The following TBP variants were observed in gnomAD, a reference collection of about 807,000 sequenced individuals.
TBP encodes TATA-box-binding protein.
TBP carries 12 observed loss-of-function variants against 46.2 expected under a neutral mutation model. That is an observed-to-expected ratio of 0.26 (90% CI 0.17 to 0.42). TBP has a LOEUF of 0.42. Ranked by LOEUF, TBP falls within the 10% of genes least tolerant of loss-of-function variation. The pLI, the probability that TBP is intolerant of heterozygous loss-of-function variation, is 1.00. For missense variants in TBP, 229 were observed against 403.1 expected (o/e 0.57, Z 3.70); for synonymous variants, 157 against 148.3 (o/e 1.06, Z -0.42).
chr6:170,557,671 G>A (rs1397028623), intron 2 of TBP, among the ~76,000 whole-genome samples: 1 of 138,968 alleles, frequency 7.2e-6, no homozygotes. Context: ...GGGAGGTGGA[G>A]GTTGCAGTGA....
At chr6:170,567,346 G>C (rs902427266) in intron 5 of TBP, 1 of 153,710 alleles carries the variant, frequency 6.5e-6, no homozygotes, top group East Asian at 1.9e-4. Flanking sequence ...TTAGCCAGGC[G>C]TGGTAGTGGA....
rs1779263569 is a variant in TBP at position 170,566,959 on chromosome 6, C to T, written c.627C>T (p.Thr209=). 4 of 1,613,622 alleles carry T rather than the reference C, an allele frequency of 2.5e-6. No homozygotes were observed. The highest frequency in any genetic ancestry group is 1.6e-4 in the Middle Eastern group (1 of 6,082). The part of the protein sequence containing the change: ...AVIMRIREPR[T]TALIFSSGKM... ...TCATGAGGATAAGAGAGCCACGAACCACGGCACTGATTTTCAGTTCTGGGA... is the reference window on the plus strand; with the variant it reads ...TCATGAGGATAAGAGAGCCACGAACTACGGCACTGATTTTCAGTTCTGGGA... Residue 209 remains threonine (T), a synonymous_variant, in exon 5 of 8, where the codon ACC becomes ACT. Coordinates refer to ENST00000392092, the MANE Select transcript of TBP (RefSeq NM_003194.5).
At chr6:170,567,441 T>C (rs1467479633) in intron 5 of TBP, 1 of 152,656 alleles carries the variant, frequency 6.6e-6, no homozygotes, top group Non-Finnish European at 1.5e-5. Flanking sequence ...GCTGAGATCA[T>C]GCTACTGTAC....
chr6:170,566,586 T>C (rs531838119), intron 4 of TBP, among the ~76,000 whole-genome samples: 16 of 152,164 alleles, frequency 1.1e-4, no homozygotes, highest in Admixed American at 4.6e-4. Context: ...GCAGCAAATA[T>C]AAAGTAGAAA....
intron 6 of TBP, 152 bp downstream of exon 6, chr6:170,569,931 C>A (rs535670070): frequency 1.7e-5 from 13 of 771,616 alleles, no homozygotes; most frequent in Non-Finnish European, 2.5e-5. Context: ...TCCTGATGTT[C>A]TCAGTCATAT....
chr6:170,571,490 A>G lies in TBP; in HGVS notation c.926A>G (p.Lys309Arg). Residue 309 changes from lysine (K) to arginine (R), a missense_variant, in exon 7 of 8, where the codon AAA becomes AGA. Lys to Arg is a conservative substitution (Grantham distance 26). This residue lies in a region of TBP where 44 missense variants were observed against 54.1 expected (regional missense o/e 0.81). Coordinates refer to ENST00000392092, the MANE Select transcript of TBP (RefSeq NM_003194.5). ...RIVLLIFVSG[K>R]VVLTGAKVRA... ...GTTCTCCTTATTTTTGTTTCTGGAA[A>G]AGTTGTATTAACAGGTAAGTTGTAA... The G allele has an allele frequency of 6.2e-7, 1 of 1,612,112 alleles. No homozygotes were observed. Among genetic ancestry groups the G allele is most frequent in the Non-Finnish European group, 8.5e-7 (1 of 1,178,214 alleles).
chr6:170,566,131 CAA>C (rs1779242539), intron 4 of TBP, among the ~76,000 whole-genome samples: 1 of 152,002 alleles, frequency 6.6e-6, no homozygotes, highest in South Asian at 2.1e-4. Context: ...TCTAGTTTGT[CAA>C]AGAGTCGTCT....
At chr6:170,557,568 C>T (rs1174029492) in intron 2 of TBP, among the ~76,000 whole-genome samples, 1 of 151,790 alleles carries the variant, frequency 6.6e-6, no homozygotes, top group East Asian at 1.9e-4. Context: ...AACCTCATCT[C>T]TACAAAATAT....
At chr6:170,555,873 G>T (rs1159356003) in intron 1 of TBP, among the ~76,000 whole-genome samples, 1 of 152,128 alleles carries the variant, frequency 6.6e-6, no homozygotes, top group Non-Finnish European at 1.5e-5. Flanking sequence ...TGATGCCAAG[G>T]ACTATATCCT....
intron 4 of TBP, among the ~76,000 whole-genome samples, chr6:170,566,568 CATG>C (rs1779252107): frequency 6.6e-6 from 1 of 152,144 alleles, no homozygotes; most frequent in East Asian, 1.9e-4. Flanking sequence ...AAGCTATAGT[CATG>C]ATAAGCAGCA....
chr6:170,562,010 CA>C lies in TBP; in HGVS notation c.275del (p.Gln92ArgfsTer52). 1 of 1,601,270 alleles carries C rather than the reference CA, an allele frequency of 6.2e-7. No individual in the cohort carries two copies. Among genetic ancestry groups the C allele is most frequent in the Non-Finnish European group, 8.5e-7 (1 of 1,175,948 alleles). ...GCAGCAGCAGCAGCAGCAGCAGCAG[CA>C]GCAGCAACAGGCAGTGGCAGCTGCA... ...QQQQQQQQQQ[Q>X]QQQAVAAAAV... On this transcript the variant is annotated frameshift_variant, in exon 3 of 8. Coordinates refer to ENST00000392092, the MANE Select transcript of TBP (RefSeq NM_003194.5). LOFTEE classifies it high-confidence loss of function.
At chr6:170,560,391 G>A (rs1445835798) in intron 2 of TBP, among the ~76,000 whole-genome samples, 1 of 152,140 alleles carries the variant, frequency 6.6e-6, no homozygotes, top group Non-Finnish European at 1.5e-5. Context: ...TGTAGTCCCA[G>A]CTACTTGGGA....
rs374303067 is a variant in TBP, at chr6:170,556,981, C to T, written c.-49C>T. The T allele has an allele frequency of 1.3e-5, 20 of 1,590,432 alleles. No individual in the cohort carries two copies. The highest frequency in any genetic ancestry group is 4.4e-5 in the South Asian group (4 of 90,272). ...TCTAGGAAAAAATTGAATAGTGAGACGAGTTCCAGCGCAAGGGTTTCTGGT... is the reference window on the plus strand; with the variant it reads ...TCTAGGAAAAAATTGAATAGTGAGATGAGTTCCAGCGCAAGGGTTTCTGGT... On this transcript the variant is annotated 5_prime_UTR_variant, in exon 2 of 8. It adds an upstream start codon to the 5' untranslated region. Coordinates refer to ENST00000392092, the MANE Select transcript of TBP (RefSeq NM_003194.5).
intron 5 of TBP, among the ~76,000 whole-genome samples, chr6:170,568,742 C>T (rs1216425131): frequency 1.9e-4 from 24 of 128,244 alleles, no homozygotes; most frequent in South Asian, 7.4e-4. Flanking sequence ...TGTGAGCCAC[C>T]GTGCCCGACC....
At chr6:170,564,446 C>A in intron 3 of TBP, 99 bp from the exon 4 acceptor site, 2 of 767,862 alleles carry the variant, frequency 2.6e-6, no homozygotes, top group Non-Finnish European at 2.1e-6. Flanking sequence ...AAAGTAAAGC[C>A]TGGTTGAAAT....
chr6:170,570,548 C>A (rs1397948773), intron 6 of TBP, among the ~76,000 whole-genome samples: 2 of 152,026 alleles, frequency 1.3e-5, no homozygotes, highest in Non-Finnish European at 2.9e-5. Context: ...AGAATATGTA[C>A]CAGGCCTGGC....
At chr6:170,557,785 A>G (rs1779058858) in intron 2 of TBP, among the ~76,000 whole-genome samples, 1 of 151,598 alleles carries the variant, frequency 6.6e-6, no homozygotes, top group Admixed American at 6.6e-5. Flanking sequence ...TGAAATATAC[A>G]TACAAAAAAA....
Position 170,561,811 on chromosome 6 carries a change from C to T in TBP, c.75C>T (p.Ile25=). 6.2e-7 allele frequency: 1 copy of T among 1,610,232 alleles called. No individual in the cohort carries two copies. The highest frequency in any genetic ancestry group is 1.1e-5 in the South Asian group (1 of 91,058). The change falls in exon 3 of 8, where the codon ATC becomes ATT. Residue 25 remains isoleucine (I), a synonymous_variant. Coordinates refer to ENST00000392092, the MANE Select transcript of TBP (RefSeq NM_003194.5). ...CACAGGGTGCCATGACTCCCGGAAT[C>T]CCTATCTTTAGTCCAATGATGCCTT... ...ASPQGAMTPG[I]PIFSPMMPYG... is the part of the protein sequence containing the mutation.
Position 170,562,208 on chromosome 6 carries a change from A to G in TBP, c.472A>G (p.Ser158Gly). 6.2e-7 allele frequency: 1 copy of G among 1,613,984 alleles called. No individual in the cohort carries two copies. Among genetic ancestry groups the G allele is most frequent in the Non-Finnish European group, 8.5e-7 (1 of 1,179,978 alleles). ...CACTCCTGCCACGCCAGCTTCGGAG[A>G]GTTCTGGGATTGTACCGCAGCTGCA... ...PITPATPASESSGIVPQLQNI... is the reference protein window; with the variant it reads ...PITPATPASEGSGIVPQLQNI... Residue 158 changes from serine to glycine, a missense_variant, in exon 3 of 8, where the codon AGT (serine) becomes GGT (glycine). Around this residue, in one of 4 missense-constraint regions of TBP, gnomAD observed 67 missense variants for 188.2 expected, o/e 0.36. Transcript: ENST00000392092.
Sources: gnomAD v4.1 joint callset for allele counts (sites outside exome capture counted in the v4.1 genomes callset) on GRCh38, gnomAD v4.1.1 for gene constraint, gnomAD v4.1.1 regional missense constraint, MANE v1.5 for transcripts, NCBI Gene and HGNC (gene_info 2026-07-23, HGNC 2026-07-21) for gene names.